Variants in NBAS observed in about 807,000 individuals in gnomAD.
NBAS encodes NAG/BC035112 fusion.
In NBAS, 219 loss-of-function variants were observed where a neutral mutation model predicts 302.5. The observed-to-expected ratio is 0.72, with a 90% CI of 0.65 to 0.81. The LOEUF is 0.81. NBAS is among the 30% of genes least tolerant of loss of function. The pLI, the probability that NBAS is intolerant of heterozygous loss-of-function variation, is 0.00. For synonymous variants in NBAS, 1,118 were observed against 1,021.6 expected (o/e 1.09, Z -1.80); for missense variants, 2,932 against 2,841.6 (o/e 1.03, Z -0.72).
the NBAS span, among the ~76,000 whole-genome samples, chr2:15,019,241 G>T: frequency 6.6e-6 from 1 of 152,244 alleles, no homozygotes. Context: ...ATTAGAAATT[G>T]TTGTAAAGGA....
At chr2:15,288,491 G>T (rs188486549) in intron 41 of NBAS, among the ~76,000 whole-genome samples, 2 of 152,132 alleles carry the variant, frequency 1.3e-5, no homozygotes, top group South Asian at 4.1e-4. Flanking sequence ...AGTGAGGAAC[G>T]TACTGGGTCC....
the NBAS span, among the ~76,000 whole-genome samples, chr2:14,874,535 G>T: frequency 6.6e-6 from 1 of 151,482 alleles, no homozygotes; most frequent in South Asian, 2.1e-4. Flanking sequence ...AGCTACTTGG[G>T]AGGCTGAGGC....
chr2:15,190,306 A>T lies in NBAS; in HGVS notation c.6530T>A (p.Val2177Asp). ...AGGTGGCCAAGCTTGCAAAAGTAAA[A>T]CCAAGTGCTGAAATTCAGCCTCGTG... ...SHHEAEFQHLVLLLQAWPPMK... is the reference protein window; with the variant it reads ...SHHEAEFQHLDLLLQAWPPMK... Residue 2177 changes from valine to aspartate, a missense_variant, in exon 49 of 52, where the codon GTT becomes GAT. By Grantham distance (152) the Val-to-Asp change is radical. Coordinates refer to ENST00000281513, the MANE Select transcript of NBAS (RefSeq NM_015909.4). 1.9e-6 allele frequency: 3 copies of T among 1,614,054 alleles called. No homozygotes were observed. The highest frequency in any genetic ancestry group is 2.5e-6 in the Non-Finnish European group (3 of 1,179,946).
At chr2:15,461,665 T>G (rs765379285) in intron 20 of NBAS, 22 bp downstream of exon 20, 1 of 1,385,878 alleles carries the variant, frequency 7.2e-7, no homozygotes, top group South Asian at 1.2e-5. Context: ...CATAATTATT[T>G]TATTTACAAA....
At chr2:15,508,615 C>T (rs549707704) in intron 10 of NBAS, among the ~76,000 whole-genome samples, 1 of 151,044 alleles carries the variant, frequency 6.6e-6, no homozygotes, top group African/African-American at 2.4e-5. Flanking sequence ...CAGTTATTAA[C>T]ATTTTGTCAC....
At chr2:15,034,154 A>G in the NBAS span, among the ~76,000 whole-genome samples, 1 of 144,636 alleles carries the variant, frequency 6.9e-6, no homozygotes, top group East Asian at 2.1e-4. Flanking sequence ...AAGAGGGAGG[A>G]GGAGGAGGTG....
chr2:14,834,817 C>G, the NBAS span, among the ~76,000 whole-genome samples: 1 of 151,936 alleles, frequency 6.6e-6, no homozygotes, highest in Admixed American at 6.6e-5. Flanking sequence ...TGACATAAGT[C>G]AGTACAAGCT....
intron 44 of NBAS, among the ~76,000 whole-genome samples, chr2:15,254,188 C>A (rs184668817): frequency 2.2e-4 from 33 of 152,218 alleles, no homozygotes; most frequent in Admixed American, 1.1e-3. Context: ...CCCAGACCCA[C>A]CCAGAAGCAA....
At chr2:15,412,153 T>A (rs2148452000) in intron 25 of NBAS, among the ~76,000 whole-genome samples, 1 of 152,274 alleles carries the variant, frequency 6.6e-6, no homozygotes, top group Admixed American at 6.5e-5. Context: ...ATGACTCTGG[T>A]CAACTTCATT....
the NBAS span, among the ~76,000 whole-genome samples, chr2:15,161,560 C>T: frequency 2.6e-5 from 4 of 152,146 alleles, no homozygotes; most frequent in African/African-American, 9.7e-5. Flanking sequence ...AAGTTCACCC[C>T]TTTTCTAAGG....
the NBAS span, among the ~76,000 whole-genome samples, chr2:15,054,780 T>C: frequency 1.7e-4 from 26 of 152,278 alleles, no homozygotes; most frequent in South Asian, 3.9e-3. Flanking sequence ...CCTGGATATG[T>C]TTCCAGGGCA....
intron 47 of NBAS, among the ~76,000 whole-genome samples, chr2:15,230,673 G>A (rs1180211666): frequency 6.6e-6 from 1 of 152,196 alleles, no homozygotes; most frequent in Non-Finnish European, 1.5e-5. Flanking sequence ...GACTAAAACA[G>A]TACCTGTTGA....
intron 35 of NBAS, among the ~76,000 whole-genome samples, chr2:15,331,452 G>A (rs1336496104): frequency 6.6e-6 from 1 of 152,084 alleles, no homozygotes; most frequent in African/African-American, 2.4e-5. Context: ...AATATTATTT[G>A]TTCTATAACT....
In NBAS at chr2:15,240,168, A is replaced by G. The variant is rs1446892888; in HGVS notation, c.5725-1482T>C. On this transcript the variant is annotated intron_variant, in intron 44 of 51. Transcript: ENST00000281513. ...TACGACAGACTCTCATTTTTTTTCT[A>G]CTTCCTAAAAGCAGTCATTGTACAT... Among the ~76,000 whole-genome samples the G allele has an allele frequency of 4.6e-5, 7 of 151,948 alleles. No homozygotes were observed. In the East Asian group the frequency reaches 1.2e-3, roughly 25 times the overall value.
intron 35 of NBAS, among the ~76,000 whole-genome samples, chr2:15,333,762 G>GA (rs200914210): frequency 0.026 from 1,901 of 71,914 alleles, 30 homozygotes; most frequent in African/African-American, 0.077. Context: ...CTGGGAGAAA[G>GA]AAAAAAAAAA....
At chr2:14,803,170 C>A in the NBAS span, among the ~76,000 whole-genome samples, 1 of 152,198 alleles carries the variant, frequency 6.6e-6, no homozygotes, top group Non-Finnish European at 1.5e-5. Context: ...TTTCTGAATA[C>A]TTTACCTAAT....
chr2:15,081,686 G>A, the NBAS span, among the ~76,000 whole-genome samples: 1 of 152,200 alleles, frequency 6.6e-6, no homozygotes, highest in South Asian at 2.1e-4. Flanking sequence ...CCTATCGTGT[G>A]TAATTATGGT....
chr2:15,127,077 G>C, the NBAS span, among the ~76,000 whole-genome samples: 2 of 152,196 alleles, frequency 1.3e-5, no homozygotes, highest in African/African-American at 4.8e-5. Flanking sequence ...ATGTGGCCCA[G>C]GAAGTCACAG....
At chr2:15,092,717 A>G in the NBAS span, among the ~76,000 whole-genome samples, 1 of 152,324 alleles carries the variant, frequency 6.6e-6, no homozygotes, top group South Asian at 2.1e-4. Flanking sequence ...ATTAGTCCGA[A>G]CTAAAAACAT....
Sources: allele counts gnomAD v4.1 joint callset (sites outside exome capture counted in the v4.1 genomes callset), GRCh38; gene constraint gnomAD v4.1.1; transcripts MANE v1.5; gene names NCBI Gene and HGNC (gene_info 2026-07-23, HGNC 2026-07-21).